UTRN: variants seen among roughly 807,000 people sequenced by gnomAD.
UTRN encodes utrophin, also known as dystrophin-related protein 1.
UTRN carries 283 observed loss-of-function variants against 463.9 expected under a neutral mutation model. The ratio of observed to expected loss-of-function variants is 0.61; its 90% CI spans 0.55 to 0.67. The LOEUF is 0.67. Among genes scored for constraint, UTRN ranks in the 30% least tolerant of loss-of-function variants. UTRN has a pLI of 0.00. For synonymous variants in UTRN, 1,442 were observed against 1,431.5 expected, an observed-to-expected ratio of 1.01 and a Z score of -0.17; for missense variants, 3,922 against 4,084.3, an observed-to-expected ratio of 0.96 and a Z score of 1.08.
At chr6:144,565,579 AG>A (rs2128619563) in intron 50 of UTRN, among the ~76,000 whole-genome samples, 2 of 152,338 alleles carry the variant, frequency 1.3e-5, no homozygotes, top group African/African-American at 4.8e-5. Context: ...GAAAAAACGC[AG>A]ATTTGTCATG....
chr6:144,771,147 G>A (rs13210728), intron 58 of UTRN, among the ~76,000 whole-genome samples: 16,824 of 152,144 alleles, frequency 0.11, 1,303 homozygotes, highest in East Asian at 0.45. Flanking sequence ...CATCAAGCCA[G>A]GACCGAAGGG....
intron 2 of UTRN, among the ~76,000 whole-genome samples, chr6:144,313,529 TC>T (rs1438741437): frequency 6.6e-6 from 1 of 152,218 alleles, no homozygotes; most frequent in Admixed American, 6.5e-5. Flanking sequence ...TTGCAGACTT[TC>T]CCCTTTGTCT....
intron 12 of UTRN, 139 bp downstream of exon 12, chr6:144,439,034 G>A (rs530956394): frequency 1.1e-6 from 1 of 921,062 alleles, no homozygotes; most frequent in Non-Finnish European, 1.6e-6. Flanking sequence ...CAGCTCACAG[G>A]GTGGAATTGA....
At position 144,757,973 on chromosome 6, in the gene UTRN, G is replaced by A; in HGVS notation, c.8479G>A (p.Val2827Met). ...PWQRSISHNK[V>M]PYYINHQTQT... Reference sequence around the variant, plus strand: ...GCAAAGATCCATTTCACATAATAAAGTGCCCTATTACATCAAGTAAGTTGA... The same window carrying A: ...GCAAAGATCCATTTCACATAATAAAATGCCCTATTACATCAAGTAAGTTGA... Residue 2827 changes from valine to methionine, a missense_variant, in exon 58 of 75, where the codon GTG (valine) becomes ATG (methionine). Physicochemically the swap from Val to Met is conservative, Grantham distance 21. Around this residue, in one of 3 missense-constraint regions of UTRN, gnomAD observed 1,309 missense variants for 1,452.6 expected, o/e 0.90. Transcript: ENST00000367545. 1 of 1,610,604 alleles carries A rather than the reference G, an allele frequency of 6.2e-7. No individual in the cohort carries two copies. The highest frequency in any genetic ancestry group is 1.7e-5 in the Admixed American group (1 of 59,646).
chr6:144,653,103 A>T (rs1251860313), intron 51 of UTRN, among the ~76,000 whole-genome samples: 1 of 152,164 alleles, frequency 6.6e-6, no homozygotes, highest in African/African-American at 2.4e-5. Flanking sequence ...TTCATTCTAG[A>T]CACTCAGCTC....
At chr6:144,746,649 A>T (rs776156985) in intron 54 of UTRN, among the ~76,000 whole-genome samples, 11 of 149,268 alleles carry the variant, frequency 7.4e-5, no homozygotes, top group Non-Finnish European at 1.2e-4. Context: ...GCTAGTTTTT[A>T]TATTTTTAGT....
chr6:144,646,848 C>G (rs1037421267), intron 51 of UTRN, among the ~76,000 whole-genome samples: 2 of 152,124 alleles, frequency 1.3e-5, no homozygotes, highest in Non-Finnish European at 2.9e-5. Context: ...ATGGGCACAC[C>G]TGTTCCTAAT....
At chr6:144,583,689 C>G (rs949473316) in intron 51 of UTRN, 10 of 461,092 alleles carry the variant, frequency 2.2e-5, no homozygotes, top group African/African-American at 1.8e-4. Context: ...AGGTTCTTAT[C>G]AAGGAAAGAT....
Position 144,774,363 on chromosome 6 carries a change from T to C in UTRN, c.8631T>C (p.Cys2877=), listed in dbSNP as rs142805216. The C allele has an allele frequency of 6.3e-7, 1 of 1,584,214 alleles. No homozygotes were observed. Among genetic ancestry groups the C allele is most frequent in the Non-Finnish European group, 8.5e-7 (1 of 1,171,618 alleles). The change falls in exon 60 of 75, where the codon TGT becomes TGC. Residue 2877 remains cysteine (C), a splice_region_variant and synonymous_variant. Transcript: ENST00000367545. ...TCCGAAGACTACAAAAAGCACTATG[T>C]TGTGAGTTATTCTACCAAAGTTAAT... is the stretch of plus-strand genomic sequence containing the variant. The part of the protein sequence containing the change: ...IKIRRLQKAL[C]LDLLELSTTN...
At chr6:144,556,083 AAAATTATAAAATAT>A (rs1331111141) in intron 49 of UTRN, among the ~76,000 whole-genome samples, 1 of 152,236 alleles carries the variant, frequency 6.6e-6, no homozygotes, top group Non-Finnish European at 1.5e-5. Flanking sequence ...TTCTCTGTAT[AAAATTATAAAATAT>A]TCTTGAATTG....
At position 144,462,759 on chromosome 6, in the gene UTRN, AAG is replaced by A. The variant is rs747281293; in HGVS notation, c.2960_2961del (p.Lys987ThrfsTer4). On this transcript the variant is annotated frameshift_variant, in exon 23 of 75. Coordinates refer to ENST00000367545, the MANE Select transcript of UTRN (RefSeq NM_007124.3). LOFTEE classifies it high-confidence loss of function. ...TCATCCTGATGTAGAAAAATTATAT[AAG>A]CAAGAATTTGATGATGTGCAAGGAA... ...NVHPDVEKLY[K>X]QEFDDVQGKW... 1 of 1,612,092 alleles carries A rather than the reference AAG, an allele frequency of 6.2e-7. No individual in the cohort carries two copies. The highest frequency in any genetic ancestry group is 2.2e-5 in the East Asian group (1 of 44,842).
At chr6:144,796,896 G>T (rs892212194) in intron 63 of UTRN, among the ~76,000 whole-genome samples, 1 of 152,120 alleles carries the variant, frequency 6.6e-6, no homozygotes, top group South Asian at 2.1e-4. Flanking sequence ...CATACATGTA[G>T]GTTCACAGAA....
Position 144,828,992 on chromosome 6 carries a change from G to A in UTRN, c.9665+137G>A, listed in dbSNP as rs566580754. Reference sequence around the variant, plus strand: ...TAAGTGTGGTTCCAAAAATTTCTACGTAGATTTTATGCTTTCAAACCATGA... The same window carrying A: ...TAAGTGTGGTTCCAAAAATTTCTACATAGATTTTATGCTTTCAAACCATGA... On this transcript the variant is annotated intron_variant, in intron 69 of 74. Coordinates refer to ENST00000367545, the MANE Select transcript of UTRN (RefSeq NM_007124.3). The A allele has an allele frequency of 1.0e-4, 92 of 918,144 alleles. 1 individual carries two copies. Among genetic ancestry groups the A allele is most frequent in the African/African-American group, 9.1e-4 (55 of 60,378 alleles). The allele number at this position is 918,144 out of a possible 1,614,324, so 56.9% of individuals were successfully genotyped here.
chr6:144,648,154 AC>A (rs1778465532), intron 51 of UTRN, among the ~76,000 whole-genome samples: 1 of 152,196 alleles, frequency 6.6e-6, no homozygotes, highest in Admixed American at 6.5e-5. Context: ...CCATGTTGTC[AC>A]TGATGCGTCT....
At chr6:144,426,155 A>G in intron 6 of UTRN, 132 bp from the exon 7 acceptor site, 1 of 1,134,972 alleles carries the variant, frequency 8.8e-7, no homozygotes, top group Non-Finnish European at 1.2e-6. Context: ...AATCTGAAGT[A>G]AAATGAATGC....
At position 144,730,672 on chromosome 6, in the gene UTRN, A is replaced by C. The variant is rs9403593; in HGVS notation, c.7939+186A>C. On this transcript the variant is annotated intron_variant, in intron 54 of 74. Transcript: ENST00000367545. ...TAGATTCTTAAATTAAGAAAATAAA[A>C]TTTTTGTATACCTCAATATCAATTT... Among the ~76,000 whole-genome samples the C allele has an allele frequency of 0.28, 43,215 of 151,946 alleles. 7,350 individuals carry two copies. The highest frequency in any genetic ancestry group is 0.74 in the East Asian group (3,835 of 5,170).
intron 51 of UTRN, among the ~76,000 whole-genome samples, chr6:144,622,925 A>C (rs894663206): frequency 6.6e-6 from 1 of 152,202 alleles, no homozygotes; most frequent in Non-Finnish European, 1.5e-5. Flanking sequence ...AATTAACAGA[A>C]GAGCAAGATT....
chr6:144,625,697 C>T (rs908579664), intron 51 of UTRN, among the ~76,000 whole-genome samples: 4 of 152,136 alleles, frequency 2.6e-5, no homozygotes, highest in Admixed American at 1.3e-4. Context: ...ACATATTTTC[C>T]CTAGGGCCCC....
intron 2 of UTRN, among the ~76,000 whole-genome samples, chr6:144,360,049 T>TCCCTTC (rs1778912841): frequency 3.4e-5 from 3 of 88,304 alleles, no homozygotes; most frequent in African/African-American, 2.1e-4. Context: ...TCCCTTCCCT[T>TCCCTTC]CCCTTCCCTT....
Sources: allele counts gnomAD v4.1 joint callset (sites outside exome capture counted in the v4.1 genomes callset), GRCh38; gene constraint gnomAD v4.1.1; regional missense constraint gnomAD v4.1.1; transcripts MANE v1.5; gene names NCBI Gene and HGNC (gene_info 2026-07-23, HGNC 2026-07-21).